TMEM74: variants seen among roughly 807,000 people sequenced by gnomAD.
The protein encoded by TMEM74 is transmembrane protein 74.
Under a neutral mutation model 18.1 loss-of-function variants are expected in TMEM74, and 13 were observed. That is an observed-to-expected ratio of 0.72 (90% CI 0.47 to 1.14). The LOEUF (loss-of-function observed/expected upper bound fraction) is 1.14, where lower values mean the gene tolerates loss of function less well. TMEM74 is among the 50% of genes most tolerant of loss of function. The probability of loss-of-function intolerance (pLI) is 0.00; values close to 1 mark genes in which losing one functional copy is unlikely to be tolerated. For missense variants in TMEM74, 372 were observed against 375.9 expected, an observed-to-expected ratio of 0.99 and a Z score of 0.09; for synonymous variants, 159 against 146.6, an observed-to-expected ratio of 1.08 and a Z score of -0.61.
chr8:108,658,141 T>G (rs1278823259), intron 1 of TMEM74, among the ~76,000 whole-genome samples: 1 of 151,620 alleles, frequency 6.6e-6, no homozygotes, highest in Non-Finnish European at 1.5e-5. Flanking sequence ...AGGCCTGTAT[T>G]GGAATTATGA....
At chr8:108,634,886 G>A (rs1812591663) in intron 2 of TMEM74, among the ~76,000 whole-genome samples, 1 of 151,994 alleles carries the variant, frequency 6.6e-6, no homozygotes, top group African/African-American at 2.4e-5. Context: ...GAGCAGTAGA[G>A]GTGATCTGAG....
intron 1 of TMEM74, among the ~76,000 whole-genome samples, chr8:108,727,185 T>C (rs1813647314): frequency 6.6e-6 from 1 of 152,162 alleles, no homozygotes; most frequent in Non-Finnish European, 1.5e-5. Flanking sequence ...CTTTTGGATT[T>C]TTCTCAGAGT....
chr8:108,639,472 C>T (rs1281235995), intron 2 of TMEM74, among the ~76,000 whole-genome samples: 1 of 152,076 alleles, frequency 6.6e-6, no homozygotes, highest in Non-Finnish European at 1.5e-5. Flanking sequence ...ATGTATATGT[C>T]TGTGTGTTCA....
chr8:108,638,899 A>G (rs2130559785), intron 2 of TMEM74, among the ~76,000 whole-genome samples: 1 of 152,300 alleles, frequency 6.6e-6, no homozygotes, highest in South Asian at 2.1e-4. Context: ...TGTGACTTGC[A>G]TGGCAAATGG....
chr8:108,617,461 G>A (rs574782915), intron 2 of TMEM74, among the ~76,000 whole-genome samples: 1 of 152,182 alleles, frequency 6.6e-6, no homozygotes, highest in South Asian at 2.1e-4. Flanking sequence ...GGTGTAGGAA[G>A]CCCCACTACC....
At chr8:108,726,905 G>A (rs1381884330) in intron 1 of TMEM74, among the ~76,000 whole-genome samples, 1 of 152,090 alleles carries the variant, frequency 6.6e-6, no homozygotes, top group Non-Finnish European at 1.5e-5. Flanking sequence ...GCAGGGGTAG[G>A]AACAAGTTTC....
At chr8:108,738,850 A>G (rs1813772475) in intron 1 of TMEM74, among the ~76,000 whole-genome samples, 1 of 152,230 alleles carries the variant, frequency 6.6e-6, no homozygotes, top group East Asian at 1.9e-4. Flanking sequence ...AGACTCCTTG[A>G]ATTTTGTTGT....
chr8:108,722,888 A>G (rs1453687531), intron 1 of TMEM74, among the ~76,000 whole-genome samples: 1 of 152,214 alleles, frequency 6.6e-6, no homozygotes, highest in Non-Finnish European at 1.5e-5. Context: ...CCTAGGTCTA[A>G]ACCCTGATGG....
rs556197464 is a variant in TMEM74, at chr8:108,772,136, T to TTA, written n.119+15338_119+15339dup. On this transcript the variant is annotated intron_variant and non_coding_transcript_variant, in intron 1 of 3. Transcript: ENST00000518838. ...TTAGCTACTGTAAACTAGTACATTT[T>TTA]TATTAAGACATACCTTAGCATTTGG... Among the ~76,000 whole-genome samples the TTA allele has an allele frequency of 1.6e-4, 25 of 152,266 alleles. No homozygotes were observed. The East Asian group carries it at 4.8e-3, about 29-fold the overall frequency.
intron 2 of TMEM74, among the ~76,000 whole-genome samples, chr8:108,616,274 TC>T (rs1287428379): frequency 1.3e-5 from 2 of 152,172 alleles, no homozygotes; most frequent in Non-Finnish European, 2.9e-5. Flanking sequence ...CACAGGTACT[TC>T]CTACGTATTT....
chr8:108,784,792 A>T lies in TMEM74; in HGVS notation c.307T>A (p.Cys103Ser). ...AAAGAAGTTTCTAATTCCTGGCTGCAGCAGTTACAGACTTTCCGTTCCGCT... is the reference window on the plus strand; with the variant it reads ...AAAGAAGTTTCTAATTCCTGGCTGCTGCAGTTACAGACTTTCCGTTCCGCT... ...ITAERKVCNC[C>S]SQELETSFTY... The change falls in exon 2 of 2, where the codon TGC (cysteine) becomes AGC (serine). Residue 103 changes from cysteine (C) to serine (S), a missense_variant. Physicochemically the swap from Cys to Ser is moderately radical, Grantham distance 112 (BLOSUM62 -1). Coordinates refer to ENST00000297459, the MANE Select transcript of TMEM74 (RefSeq NM_153015.3). 1 of 1,614,206 alleles carries T rather than the reference A, an allele frequency of 6.2e-7. No individual in the cohort carries two copies. The highest frequency in any genetic ancestry group is 8.5e-7 in the Non-Finnish European group (1 of 1,180,038).
chr8:108,607,522 G>C (rs1294144251), exon 4 of TMEM74: 2 of 152,202 alleles, frequency 1.3e-5, no homozygotes, highest in African/African-American at 4.8e-5. Context: ...ATGATGGCCT[G>C]TTGGTGTTAT....
chr8:108,739,043 G>C (rs1813774020), intron 1 of TMEM74, among the ~76,000 whole-genome samples: 1 of 152,150 alleles, frequency 6.6e-6, no homozygotes. Context: ...CATGTGTTCA[G>C]TTAAAAATAA....
At chr8:108,726,604 G>A (rs1813641162) in intron 1 of TMEM74, among the ~76,000 whole-genome samples, 1 of 152,044 alleles carries the variant, frequency 6.6e-6, no homozygotes, top group African/African-American at 2.4e-5. Flanking sequence ...AATCTTATCA[G>A]TATATTAAAG....
intron 1 of TMEM74, among the ~76,000 whole-genome samples, chr8:108,759,087 G>C (rs184267487): frequency 2.2e-3 from 327 of 152,064 alleles, no homozygotes; most frequent in African/African-American, 7.5e-3. Flanking sequence ...TGTATTAGAA[G>C]TAACAGTATT....
At chr8:108,661,070 C>T (rs549881113) in intron 1 of TMEM74, among the ~76,000 whole-genome samples, 31 of 152,116 alleles carry the variant, frequency 2.0e-4, no homozygotes, top group African/African-American at 7.2e-4. Context: ...AATTTAGGGA[C>T]CTGAAAAAAA....
chr8:108,754,414 G>A (rs1813935229), intron 1 of TMEM74, among the ~76,000 whole-genome samples: 2 of 151,954 alleles, frequency 1.3e-5, no homozygotes, highest in South Asian at 2.1e-4. Flanking sequence ...TGGTCTTGGT[G>A]TCCTTGTGTG....
chr8:108,628,607 C>G (rs1812519667), intron 2 of TMEM74, among the ~76,000 whole-genome samples: 1 of 151,980 alleles, frequency 6.6e-6, no homozygotes, highest in African/African-American at 2.4e-5. Context: ...GTACATGTGT[C>G]TTTATAGTAG....
At chr8:108,726,515 C>T (rs1813639777) in intron 1 of TMEM74, among the ~76,000 whole-genome samples, 3 of 152,160 alleles carry the variant, frequency 2.0e-5, no homozygotes, top group Admixed American at 1.3e-4. Context: ...TTTTATAAGA[C>T]GTTAATAGGT....
Sources: gnomAD v4.1 joint callset for allele counts (sites outside exome capture counted in the v4.1 genomes callset) on GRCh38, gnomAD v4.1.1 for gene constraint, MANE v1.5 for transcripts, NCBI Gene and HGNC (gene_info 2026-07-23, HGNC 2026-07-21) for gene names.